PRTG: variants seen among roughly 807,000 people sequenced by gnomAD.
The protein encoded by PRTG is immunoglobulin superfamily, DCC subclass, member 5.
In PRTG, 67 loss-of-function variants were observed where a neutral mutation model predicts 122.5. That is an observed-to-expected ratio of 0.55 (90% CI 0.45 to 0.67). The LOEUF is 0.67. PRTG is among the 30% of genes least tolerant of loss of function. PRTG has a pLI of 0.00. For missense variants in PRTG, 1,435 were observed against 1,415.4 expected (o/e 1.01, Z -0.22); for synonymous variants, 554 against 501.1 (o/e 1.11, Z -1.41).
chr15:55,736,214 C>T (rs570808329), intron 2 of PRTG, among the ~76,000 whole-genome samples: 2 of 152,004 alleles, frequency 1.3e-5, no homozygotes, highest in African/African-American at 4.8e-5. Flanking sequence ...TGAATAGGCA[C>T]GCAGGTAAGA....
At chr15:55,650,682 T>C (rs2059348659) in intron 11 of PRTG, among the ~76,000 whole-genome samples, 1 of 152,038 alleles carries the variant, frequency 6.6e-6, no homozygotes, top group African/African-American at 2.4e-5. Flanking sequence ...AAGTACCAAG[T>C]GGCTGAGCTT....
At chr15:55,742,700 GC>G (rs1432364726) in intron 1 of PRTG, 137 bp downstream of exon 1, 2 of 1,029,952 alleles carry the variant, frequency 1.9e-6, no homozygotes, top group African/African-American at 1.7e-5. Context: ...CAGGGCGAGA[GC>G]GGGGGCCGGG....
chr15:55,666,006 A>T (rs866702893), intron 11 of PRTG, among the ~76,000 whole-genome samples: 1 of 152,276 alleles, frequency 6.6e-6, no homozygotes, highest in Non-Finnish European at 1.5e-5. Context: ...TCTGTGCTGC[A>T]GTAGCAGAGT....
At chr15:55,691,809 G>A (rs1302591769) in intron 2 of PRTG, among the ~76,000 whole-genome samples, 1 of 152,036 alleles carries the variant, frequency 6.6e-6, no homozygotes, top group African/African-American at 2.4e-5. Flanking sequence ...TCTACTTCTA[G>A]GAACCTATTA....
chr15:55,627,492 GTTTT>G (rs35022592), intron 16 of PRTG, among the ~76,000 whole-genome samples: 16 of 104,788 alleles, frequency 1.5e-4, no homozygotes, highest in African/African-American at 6.3e-4. Context: ...GCCCAGCTAA[GTTTT>G]TTTTTTTTTT....
At chr15:55,626,051 T>G (rs1408379225) in intron 17 of PRTG, among the ~76,000 whole-genome samples, 1 of 152,210 alleles carries the variant, frequency 6.6e-6, no homozygotes, top group Non-Finnish European at 1.5e-5. Flanking sequence ...CCACCATGCC[T>G]GCACAAGTGT....
At chr15:55,683,753 C>A (rs374709296) in intron 3 of PRTG, 34 bp downstream of exon 3, 2 of 1,584,018 alleles carry the variant, frequency 1.3e-6, no homozygotes, top group African/African-American at 2.7e-5. Flanking sequence ...TCATTACTCC[C>A]ATATCATCTC....
At chr15:55,704,007 G>GAA (rs11406266) in intron 2 of PRTG, among the ~76,000 whole-genome samples, 1 of 152,020 alleles carries the variant, frequency 6.6e-6, no homozygotes, top group East Asian at 1.9e-4. Flanking sequence ...AAATGGTACA[G>GAA]AAAAAACATG....
At chr15:55,699,680 G>A (rs748288281) in intron 2 of PRTG, among the ~76,000 whole-genome samples, 1 of 152,024 alleles carries the variant, frequency 6.6e-6, no homozygotes, top group Admixed American at 6.6e-5. Context: ...AAATGTGTTG[G>A]GACTTAGAGA....
At chr15:55,728,234 TTATAGGGAATATTA>T (rs1303986889) in intron 2 of PRTG, among the ~76,000 whole-genome samples, 2 of 152,198 alleles carry the variant, frequency 1.3e-5, no homozygotes, top group Non-Finnish European at 2.9e-5. Flanking sequence ...TACAGTATTT[TTATAGGGAATATTA>T]TATAGGGAAT....
At chr15:55,650,108 A>C (rs1179354632) in intron 11 of PRTG, among the ~76,000 whole-genome samples, 2 of 152,210 alleles carry the variant, frequency 1.3e-5, no homozygotes, top group Non-Finnish European at 2.9e-5. Context: ...TATAAATCTT[A>C]GATTAACACG....
rs2031555579 is a variant in PRTG, at chr15:55,739,935, C to T, written c.397+447G>A. Among the ~76,000 whole-genome samples, 9 of 152,212 alleles carry T rather than the reference C, an allele frequency of 5.9e-5. 1 individual carries two copies. In the South Asian group the frequency reaches 1.9e-3, roughly 32 times the overall value. On this transcript the variant is annotated intron_variant, in intron 2 of 19. Coordinates refer to ENST00000389286, the MANE Select transcript of PRTG (RefSeq NM_173814.6). The stretch of plus-strand genomic sequence containing the variant: ...AAAGGCAACATGGGTGATCTAAAAG[C>T]AGTCAGAGAAATGGAAGCCTGTGCT...
chr15:55,738,550 A>G, intron 2 of PRTG: 1 of 700,900 alleles, frequency 1.4e-6, no homozygotes, highest in Non-Finnish European at 2.6e-6. Flanking sequence ...ACAGGATTCT[A>G]CAAACTCTAA....
intron 2 of PRTG, among the ~76,000 whole-genome samples, chr15:55,729,183 T>G (rs559585274): frequency 2.4e-4 from 37 of 152,274 alleles, no homozygotes; most frequent in African/African-American, 7.9e-4. Flanking sequence ...TAATCTTATT[T>G]GGCCACAAAA....
rs1004924665 is a variant in PRTG, at chr15:55,616,439, G to C, written c.*3573C>G. On this transcript the variant is annotated 3_prime_UTR_variant, in exon 20 of 20. Transcript: ENST00000389286. ...CTTAAAGCAGGAAGAGAACTATACA[G>C]GCTAATTCAGAGGTACCATAATACT... 3 of 152,096 alleles carry C rather than the reference G, an allele frequency of 2.0e-5. No homozygotes were observed. The highest frequency in any genetic ancestry group is 4.4e-5 in the Non-Finnish European group (3 of 67,964). 9.4% of individuals were successfully genotyped at this position (152,096 alleles called of 1,614,324 possible). A position where few individuals can be genotyped will look rare whatever the true frequency, so the allele number is the denominator to read the frequency against.
rs2059149972 is a variant in PRTG at position 55,618,430 on chromosome 15, A to G, written c.*1582T>C. On this transcript the variant is annotated 3_prime_UTR_variant, in exon 20 of 20. Coordinates refer to ENST00000389286, the MANE Select transcript of PRTG (RefSeq NM_173814.6). ...AGTCACTTCCAGAAAATTTGAAAAA[A>G]TACTTTTAAAAGGATATGGGACCCC... 1.3e-5 allele frequency: 2 copies of G among 152,174 alleles called. No individual in the cohort carries two copies. Among genetic ancestry groups the G allele is most frequent in the South Asian group, 2.1e-4 (1 of 4,836 alleles). The allele number at this position is 152,174 out of a possible 1,614,324, so 9.4% of individuals were successfully genotyped here.
intron 11 of PRTG, among the ~76,000 whole-genome samples, chr15:55,663,665 CGAAG>C (rs2059422120): frequency 6.6e-6 from 1 of 151,954 alleles, no homozygotes; most frequent in Admixed American, 6.6e-5. Context: ...CCTCAGCCTC[CGAAG>C]CAGCTGGGAT....
intron 11 of PRTG, among the ~76,000 whole-genome samples, chr15:55,670,313 T>C (rs1280126269): frequency 1.3e-5 from 2 of 152,200 alleles, no homozygotes; most frequent in Non-Finnish European, 2.9e-5. Context: ...AGCATGCTAA[T>C]AATGTATTTT....
intron 11 of PRTG, among the ~76,000 whole-genome samples, chr15:55,664,188 C>G (rs2059425212): frequency 1.3e-5 from 2 of 152,098 alleles, no homozygotes; most frequent in Admixed American, 6.5e-5. Flanking sequence ...GTTGCCCAGG[C>G]TGGGGTGCAA....
Sources: gnomAD v4.1 joint callset for allele counts (sites outside exome capture counted in the v4.1 genomes callset) on GRCh38, gnomAD v4.1.1 for gene constraint, MANE v1.5 for transcripts, NCBI Gene and HGNC (gene_info 2026-07-23, HGNC 2026-07-21) for gene names.